SLC16A7: variants seen among roughly 807,000 people sequenced by gnomAD.
SLC16A7 encodes solute carrier family 16 member 7.
SLC16A7 carries 33 observed loss-of-function variants against 34.9 expected under a neutral mutation model. That is an observed-to-expected ratio of 0.94 (90% CI 0.72 to 1.26). The LOEUF is 1.26. Among genes scored for constraint, SLC16A7 ranks in the 50% most tolerant of loss-of-function variants. The pLI is 0.00. For missense variants in SLC16A7, 573 were observed against 578.1 expected, an observed-to-expected ratio of 0.99 and a Z score of 0.09; for synonymous variants, 201 against 206.6, an observed-to-expected ratio of 0.97 and a Z score of 0.23.
At chr12:59,758,116 G>C (rs761012923) in intron 3 of SLC16A7, among the ~76,000 whole-genome samples, 6 of 151,908 alleles carry the variant, frequency 3.9e-5, no homozygotes, top group Non-Finnish European at 8.8e-5. Flanking sequence ...TGCATACACA[G>C]AGTGTGTTGT....
chr12:59,615,019 A>AAAAT (rs559302692), intron 1 of SLC16A7, among the ~76,000 whole-genome samples: 30 of 150,852 alleles, frequency 2.0e-4, no homozygotes, highest in South Asian at 1.0e-3. Context: ...TAAATAAATA[A>AAAAT]AAATAAATAA....
intron 1 of SLC16A7, among the ~76,000 whole-genome samples, chr12:59,608,660 T>G (rs1383723409): frequency 2.6e-5 from 4 of 152,206 alleles, no homozygotes; most frequent in African/African-American, 9.6e-5. Flanking sequence ...TATAAAAAAT[T>G]GTTTCCCTTT....
At chr12:59,691,046 T>G (rs982867942) in intron 2 of SLC16A7, among the ~76,000 whole-genome samples, 5 of 152,004 alleles carry the variant, frequency 3.3e-5, no homozygotes, top group Non-Finnish European at 7.4e-5. Flanking sequence ...TATTTCAACA[T>G]TTTTGTATTT....
chr12:59,607,544 A>ATG (rs1879001455), intron 1 of SLC16A7, among the ~76,000 whole-genome samples: 1 of 152,222 alleles, frequency 6.6e-6, no homozygotes, highest in Non-Finnish European at 1.5e-5. Context: ...AATATAATCC[A>ATG]TGTGGAAAAT....
chr12:59,596,823 GT>G lies in SLC16A7; in HGVS notation c.-130+589del, dbSNP rs1485257347. On this transcript the variant is annotated intron_variant, in intron 1 of 5. Coordinates refer to ENST00000547379, the MANE Select transcript of SLC16A7 (RefSeq NM_001270623.2). The surrounding 1 kb of genome is among the most constrained non-coding windows in gnomAD (Gnocchi z 5.0). Reference sequence around the variant, plus strand: ...AGACGAAATACCGGGGGATGGGGGGGTTGTCTTTCTTCATTTTTGGTCCCCA... The same window carrying G: ...AGACGAAATACCGGGGGATGGGGGGGTGTCTTTCTTCATTTTTGGTCCCCA... Among the ~76,000 whole-genome samples, 3 of 152,206 alleles carry G rather than the reference GT, an allele frequency of 2.0e-5. No individual in the cohort carries two copies. Among genetic ancestry groups the G allele is most frequent in the Non-Finnish European group, 4.4e-5 (3 of 68,036 alleles).
Position 59,785,406 on chromosome 12 carries a change from T to C in SLC16A7, c.*5727T>C, listed in dbSNP as rs1883539982. On this transcript the variant is annotated 3_prime_UTR_variant, in exon 6 of 6. Transcript: ENST00000547379. ...ATTGAGAATGGTCATTTTAAAAGTC[T>C]CTACCTTAAGAGCAAAATTAATATT... The C allele has an allele frequency of 6.6e-6, 1 of 152,178 alleles. No homozygotes were observed. 9.4% of individuals were successfully genotyped at this position (152,178 alleles called of 1,614,324 possible). A position where few individuals can be genotyped will look rare whatever the true frequency, so the allele number is the denominator to read the frequency against.
At chr12:59,703,403 G>A (rs1364822599) in intron 2 of SLC16A7, among the ~76,000 whole-genome samples, 2 of 151,896 alleles carry the variant, frequency 1.3e-5, no homozygotes, top group Non-Finnish European at 2.9e-5. Flanking sequence ...AGTAATTTGA[G>A]ACTGCTTTTT....
rs540977943 is a variant in SLC16A7, at chr12:59,685,587, A to G, written c.-30-19185A>G. Among the ~76,000 whole-genome samples the G allele has an allele frequency of 6.9e-4, 105 of 152,272 alleles. 1 individual carries two copies. The highest frequency in any genetic ancestry group is 2.3e-3 in the African/African-American group (95 of 41,564). ...CTATTGATCATGATATTTTTATCCA[A>G]CAACATGTGGTTGATATGATTCCCA... On this transcript the variant is annotated intron_variant, in intron 2 of 5. Coordinates refer to ENST00000547379, the MANE Select transcript of SLC16A7 (RefSeq NM_001270623.2).
chr12:59,752,061 G>T (rs1348418245), intron 3 of SLC16A7, among the ~76,000 whole-genome samples: 3 of 152,102 alleles, frequency 2.0e-5, no homozygotes, highest in African/African-American at 7.3e-5. Flanking sequence ...CTGTTAGAAG[G>T]AAAACTAACA....
At chr12:59,681,520 G>A (rs550643176) in intron 2 of SLC16A7, among the ~76,000 whole-genome samples, 1 of 151,736 alleles carries the variant, frequency 6.6e-6, no homozygotes, top group Non-Finnish European at 1.5e-5. Context: ...TCAAAAAATT[G>A]TGGAACAATT....
chr12:59,666,185 T>C (rs1869188743), intron 2 of SLC16A7, among the ~76,000 whole-genome samples: 1 of 152,186 alleles, frequency 6.6e-6, no homozygotes, highest in African/African-American at 2.4e-5. Flanking sequence ...GTTTACTTGC[T>C]GAAAAGTCGA....
chr12:59,693,064 A>T (rs1369490160), intron 2 of SLC16A7, among the ~76,000 whole-genome samples: 2 of 152,018 alleles, frequency 1.3e-5, no homozygotes, highest in Non-Finnish European at 2.9e-5. Flanking sequence ...GAACAAATTA[A>T]TTCATTTAGG....
At chr12:59,730,242 T>C (rs939215923) in intron 3 of SLC16A7, among the ~76,000 whole-genome samples, 17 of 151,916 alleles carry the variant, frequency 1.1e-4, no homozygotes, top group African/African-American at 3.6e-4. Flanking sequence ...GACTCATATT[T>C]AGGCACCTCT....
intron 3 of SLC16A7, among the ~76,000 whole-genome samples, chr12:59,722,087 C>T (rs1020798369): frequency 2.0e-5 from 3 of 151,808 alleles, no homozygotes; most frequent in East Asian, 3.9e-4. Flanking sequence ...AACTCTAGAC[C>T]TATATATAAA....
At chr12:59,599,859 A>G (rs1264061442) in intron 1 of SLC16A7, among the ~76,000 whole-genome samples, 1 of 152,162 alleles carries the variant, frequency 6.6e-6, no homozygotes, top group Non-Finnish European at 1.5e-5. Flanking sequence ...ACCTTGAATT[A>G]CAATTATTTG....
chr12:59,741,370 G>C (rs973223526), intron 3 of SLC16A7, among the ~76,000 whole-genome samples: 1 of 152,104 alleles, frequency 6.6e-6, no homozygotes, highest in Admixed American at 6.6e-5. Context: ...GTGTCAGGAG[G>C]AACAAACTTT....
intron 2 of SLC16A7, among the ~76,000 whole-genome samples, chr12:59,704,211 A>G (rs1382193105): frequency 7.0e-6 from 1 of 142,586 alleles, no homozygotes; most frequent in Non-Finnish European, 1.5e-5. Flanking sequence ...AAAAAAAAAA[A>G]AAAAAAAGAA....
rs928961769 is a variant in SLC16A7, at chr12:59,777,879, A to T, written c.1181-1544A>T. On this transcript the variant is annotated intron_variant, in intron 5 of 5. Coordinates refer to ENST00000547379, the MANE Select transcript of SLC16A7 (RefSeq NM_001270623.2). ...CATGTGTTCTCATTGTTCAATTCCCACCTATGAGTGAGAATATGCAGTGTT... is the reference window on the plus strand; with the variant it reads ...CATGTGTTCTCATTGTTCAATTCCCTCCTATGAGTGAGAATATGCAGTGTT... Among the ~76,000 whole-genome samples, 7 of 135,974 alleles carry T rather than the reference A, an allele frequency of 5.1e-5. No homozygotes were observed. The South Asian group carries it at 1.1e-3, about 22-fold the overall frequency. The allele number at this position is 135,974 out of a possible 152,430, so 89.2% of individuals were successfully genotyped here.
chr12:59,638,189 C>T (rs570420349), intron 1 of SLC16A7, among the ~76,000 whole-genome samples: 1 of 152,124 alleles, frequency 6.6e-6, no homozygotes, highest in Non-Finnish European at 1.5e-5. Flanking sequence ...GGAGGAAAAC[C>T]CAGCAAAACC....
Sources: allele counts gnomAD v4.1 joint callset (sites outside exome capture counted in the v4.1 genomes callset), GRCh38; gene constraint gnomAD v4.1.1; non-coding constraint Gnocchi (gnomAD v3.1); transcripts MANE v1.5; gene names NCBI Gene and HGNC (gene_info 2026-07-23, HGNC 2026-07-21).